GAS7: variants seen among roughly 807,000 people sequenced by gnomAD.
GAS7 encodes growth arrest-specific protein 7.
GAS7 carries 28 observed loss-of-function variants against 71.1 expected under a neutral mutation model. The ratio of observed to expected loss-of-function variants is 0.39; its 90% CI spans 0.29 to 0.54. GAS7 has a LOEUF of 0.54. Among genes scored for constraint, GAS7 ranks in the 20% least tolerant of loss-of-function variants. The probability of loss-of-function intolerance (pLI) is 0.62; values close to 1 mark genes in which losing one functional copy is unlikely to be tolerated. For synonymous variants in GAS7, 258 were observed against 245.8 expected, an observed-to-expected ratio of 1.05 and a Z score of -0.46; for missense variants, 436 against 627.8, an observed-to-expected ratio of 0.69 and a Z score of 3.27.
intron 1 of GAS7, among the ~76,000 whole-genome samples, chr17:10,172,003 G>C (rs959865105): frequency 5.9e-5 from 9 of 152,116 alleles, no homozygotes; most frequent in Non-Finnish European, 1.2e-4. Flanking sequence ...AGTTCAGCTG[G>C]GAAAACAGCA....
chr17:10,034,855 G>T lies in GAS7; in HGVS notation c.184-14958C>A, dbSNP rs1166354996. On this transcript the variant is annotated intron_variant, in intron 1 of 13. Coordinates refer to ENST00000432992, the MANE Select transcript of GAS7 (RefSeq NM_201433.2). The surrounding 1 kb of genome is among the most constrained non-coding windows in gnomAD (Gnocchi z 4.4). ...TCCACCTCTTCCCTGTCACTCCTCC[G>T]AGCCACGTGAGTGGTCTTAGCTCTA... 1.3e-5 allele frequency among the ~76,000 whole-genome samples: 2 copies of T among 152,006 alleles called. No individual in the cohort carries two copies. Among genetic ancestry groups the T allele is most frequent in the Non-Finnish European group, 2.9e-5 (2 of 68,008 alleles).
At chr17:10,024,777 T>C (rs949446203) in intron 1 of GAS7, among the ~76,000 whole-genome samples, 4 of 151,980 alleles carry the variant, frequency 2.6e-5, no homozygotes, top group African/African-American at 7.3e-5. Flanking sequence ...GGATCTTCTG[T>C]CCCCTAAAAT....
intron 1 of GAS7, among the ~76,000 whole-genome samples, chr17:10,053,128 G>A (rs8070297): frequency 0.27 from 41,721 of 151,914 alleles, 7,468 homozygotes; most frequent in African/African-American, 0.52. Context: ...AGGCAGAGAT[G>A]AAAGCACTAC....
rs368836218 is a variant in GAS7 at position 9,974,336 on chromosome 17, C to T, written c.386-4574G>A. Among the ~76,000 whole-genome samples, 2 of 152,130 alleles carry T rather than the reference C, an allele frequency of 1.3e-5. No homozygotes were observed. The highest frequency in any genetic ancestry group is 2.1e-4 in the South Asian group (1 of 4,830). ...CCCACAAGATCCTGGCAACCCTCAC[C>T]CACGGCATTCCTCATTGCTATTCCC... On this transcript the variant is annotated intron_variant, in intron 3 of 13. Coordinates refer to ENST00000432992, the MANE Select transcript of GAS7 (RefSeq NM_201433.2). This position sits in a 1 kb window ranked among gnomAD's most constrained non-coding sequence, Gnocchi z 4.0.
At chr17:10,188,153 G>T (rs572566261) in intron 1 of GAS7, among the ~76,000 whole-genome samples, 12 of 151,858 alleles carry the variant, frequency 7.9e-5, no homozygotes, top group Admixed American at 6.6e-5. Context: ...GGAGGCAGGG[G>T]AATTACTTGC....
intron 2 of GAS7, among the ~76,000 whole-genome samples, chr17:9,982,858 A>AAAGC (rs2070478216): frequency 6.7e-6 from 1 of 149,750 alleles, no homozygotes; most frequent in African/African-American, 2.5e-5. Flanking sequence ...AGAAAGAAAG[A>AAAGC]AAGAAAGAAA....
chr17:10,183,030 C>T (rs1196151361), intron 1 of GAS7, among the ~76,000 whole-genome samples: 3 of 152,110 alleles, frequency 2.0e-5, no homozygotes, highest in Admixed American at 1.3e-4. Flanking sequence ...GCCTGAGGAG[C>T]AGCAACCATT....
intron 2 of GAS7, among the ~76,000 whole-genome samples, chr17:10,014,462 T>C (rs1036760751): frequency 6.6e-6 from 1 of 152,206 alleles, no homozygotes; most frequent in South Asian, 2.1e-4. Flanking sequence ...GCCTACAGGA[T>C]AAAGACCTGA....
At chr17:10,047,439 T>G (rs894911380) in intron 1 of GAS7, among the ~76,000 whole-genome samples, 1 of 152,178 alleles carries the variant, frequency 6.6e-6, no homozygotes, top group Non-Finnish European at 1.5e-5. Flanking sequence ...GCCGACAGTG[T>G]GCCAAGGCTA....
At chr17:9,941,427 G>A (rs940808845) in intron 7 of GAS7, among the ~76,000 whole-genome samples, 2 of 152,188 alleles carry the variant, frequency 1.3e-5, no homozygotes, top group Admixed American at 6.5e-5. Context: ...CCTCCAGGAC[G>A]ACAGCGTGCG....
intron 5 of GAS7, among the ~76,000 whole-genome samples, chr17:9,954,262 G>T (rs945305958): frequency 2.0e-4 from 31 of 152,320 alleles, no homozygotes; most frequent in Middle Eastern, 6.8e-3. Context: ...GAGTCAGGGA[G>T]TAGACAAGAC....
intron 6 of GAS7, among the ~76,000 whole-genome samples, chr17:9,944,819 A>G (rs1173770906): frequency 6.6e-6 from 1 of 152,166 alleles, no homozygotes; most frequent in African/African-American, 2.4e-5. Flanking sequence ...AAATTATCCA[A>G]ATACTGAGCT....
intron 1 of GAS7, among the ~76,000 whole-genome samples, chr17:10,027,344 T>A (rs1054595870): frequency 6.6e-6 from 1 of 152,212 alleles, no homozygotes; most frequent in African/African-American, 2.4e-5. Context: ...AGACAGGGAA[T>A]GGGAGTGGGA....
At chr17:10,013,046 T>C (rs1257808573) in intron 2 of GAS7, among the ~76,000 whole-genome samples, 2 of 147,712 alleles carry the variant, frequency 1.4e-5, no homozygotes, top group Non-Finnish European at 3.0e-5. Flanking sequence ...GAGGTTGCAG[T>C]GAGCCGAGAT....
intron 5 of GAS7, among the ~76,000 whole-genome samples, chr17:9,954,386 G>A (rs1217005413): frequency 2.0e-5 from 3 of 152,044 alleles, no homozygotes; most frequent in Admixed American, 6.5e-5. Flanking sequence ...CTGTTGTCTG[G>A]GGTGAGCACC....
At chr17:9,975,537 C>G (rs535666346) in intron 3 of GAS7, among the ~76,000 whole-genome samples, 1 of 151,346 alleles carries the variant, frequency 6.6e-6, no homozygotes, top group Admixed American at 6.6e-5. Context: ...TCTCACCCCC[C>G]CCTTTTTCCT....
At position 9,910,947 on chromosome 17, in the gene GAS7, G is replaced by A. The variant is rs1319554338; in HGVS notation, c.*6281C>T. 1 of 231,988 alleles carries A rather than the reference G, an allele frequency of 4.3e-6. No individual in the cohort carries two copies. Among genetic ancestry groups the A allele is most frequent in the Admixed American group, 5.6e-5 (1 of 17,710 alleles). The allele number at this position is 231,988 out of a possible 1,614,324, so 14.4% of individuals were successfully genotyped here. A position where few individuals can be genotyped will look rare whatever the true frequency, so the allele number is the denominator to read the frequency against. On this transcript the variant is annotated 3_prime_UTR_variant, in exon 14 of 14. Coordinates refer to ENST00000432992, the MANE Select transcript of GAS7 (RefSeq NM_201433.2). ...ACATGAAAAATGTATAAAGTATTTA[G>A]CAAAAGTTACAGAAAACAGATCAAA...
At chr17:9,963,955 G>A (rs1324080758) in intron 4 of GAS7, among the ~76,000 whole-genome samples, 1 of 152,054 alleles carries the variant, frequency 6.6e-6, no homozygotes, top group African/African-American at 2.4e-5. Flanking sequence ...GGGGATTGGG[G>A]GAGGGGATGG....
rs62065760 is a variant in GAS7, at chr17:9,981,219, A to G, written c.385+585T>C. On this transcript the variant is annotated intron_variant, in intron 3 of 13. Coordinates refer to ENST00000432992, the MANE Select transcript of GAS7 (RefSeq NM_201433.2). The surrounding 1 kb of genome is among the most constrained non-coding windows in gnomAD (Gnocchi z 4.4). ...GGGAACAAGAATCCATTGAACCCAG[A>G]AGGGGAGGTTGCAGTGAGCCGAGAC... Among the ~76,000 whole-genome samples, 30,332 of 151,900 alleles carry G rather than the reference A, an allele frequency of 0.2. 3,286 individuals carry two copies. The highest frequency in any genetic ancestry group is 0.3 in the Middle Eastern group (86 of 290).
Sources: allele counts gnomAD v4.1 joint callset (sites outside exome capture counted in the v4.1 genomes callset), GRCh38; gene constraint gnomAD v4.1.1; non-coding constraint Gnocchi (gnomAD v3.1); transcripts MANE v1.5; gene names NCBI Gene and HGNC (gene_info 2026-07-23, HGNC 2026-07-21).